KIAA0825: variants seen among roughly 807,000 people sequenced by gnomAD.
KIAA0825 encodes KIAA0825.
Under a neutral mutation model 147.6 loss-of-function variants are expected in KIAA0825, and 119 were observed. The ratio of observed to expected loss-of-function variants is 0.81; its 90% CI spans 0.69 to 0.94. KIAA0825 has a LOEUF of 0.94. Ranked by LOEUF, KIAA0825 falls within the 40% of genes least tolerant of loss-of-function variation. The pLI is 0.00. For missense variants in KIAA0825, 1,381 were observed against 1,472.7 expected, an observed-to-expected ratio of 0.94 and a Z score of 1.02; for synonymous variants, 470 against 518.1, an observed-to-expected ratio of 0.91 and a Z score of 1.26.
chr5:94,544,110 T>C (rs925193065), intron 2 of KIAA0825, among the ~76,000 whole-genome samples: 3 of 152,200 alleles, frequency 2.0e-5, no homozygotes, highest in African/African-American at 7.2e-5. Flanking sequence ...AACCCTCTCT[T>C]GGAGTCTGGA....
chr5:94,406,943 T>C (rs1178221405), intron 15 of KIAA0825, among the ~76,000 whole-genome samples: 1 of 152,206 alleles, frequency 6.6e-6, no homozygotes, highest in Non-Finnish European at 1.5e-5. Flanking sequence ...ATTAACTCAG[T>C]GACTGAAAAT....
chr5:94,217,212 T>G (rs940639509), intron 20 of KIAA0825, among the ~76,000 whole-genome samples: 1 of 152,184 alleles, frequency 6.6e-6, no homozygotes, highest in Non-Finnish European at 1.5e-5. Flanking sequence ...ATTTTCTATC[T>G]GGTGTGTGTA....
intron 20 of KIAA0825, among the ~76,000 whole-genome samples, chr5:94,230,293 C>T (rs1774574301): frequency 6.6e-6 from 1 of 152,286 alleles, no homozygotes; most frequent in Admixed American, 6.5e-5. Context: ...TCACCCTCAA[C>T]CTAGAGTGTT....
rs1316622263 is a variant in KIAA0825, at chr5:94,618,550, G to A, written c.-203C>T. 6.5e-6 allele frequency: 1 copy of A among 153,438 alleles called. No individual in the cohort carries two copies. Among genetic ancestry groups the A allele is most frequent in the Middle Eastern group, 1.2e-3 (1 of 834 alleles). The allele number at this position is 153,438 out of a possible 1,614,324, so 9.5% of individuals were successfully genotyped here. On this transcript the variant is annotated 5_prime_UTR_variant, in exon 1 of 21. Coordinates refer to ENST00000682413, the MANE Select transcript of KIAA0825 (RefSeq NM_001145678.3). ...TAGCAAGAGCCTGACCCGCTGGCCA[G>A]ACTCAAGCTCTGCACCAGGTATTAC...
intron 1 of KIAA0825, among the ~76,000 whole-genome samples, chr5:94,595,249 G>C (rs1360194991): frequency 6.6e-6 from 1 of 152,218 alleles, no homozygotes. Flanking sequence ...GCACACCTCT[G>C]TCTGGACACC....
At chr5:94,442,823 A>G (rs1487523551) in intron 13 of KIAA0825, among the ~76,000 whole-genome samples, 1 of 152,182 alleles carries the variant, frequency 6.6e-6, no homozygotes, top group Non-Finnish European at 1.5e-5. Flanking sequence ...AAGGAAAGGG[A>G]ATCTTTGAGA....
At chr5:94,584,979 C>A (rs1782995681) in intron 1 of KIAA0825, among the ~76,000 whole-genome samples, 1 of 152,124 alleles carries the variant, frequency 6.6e-6, no homozygotes, top group African/African-American at 2.4e-5. Flanking sequence ...CCTTTACAGA[C>A]AAACAAATGC....
chr5:94,327,719 T>C (rs1226101060), intron 20 of KIAA0825, among the ~76,000 whole-genome samples: 1 of 152,142 alleles, frequency 6.6e-6, no homozygotes, highest in African/African-American at 2.4e-5. Flanking sequence ...AAAGAACTCA[T>C]GTTTTTGGCT....
intron 14 of KIAA0825, among the ~76,000 whole-genome samples, chr5:94,432,263 C>T (rs1261251965): frequency 6.6e-6 from 1 of 152,136 alleles, no homozygotes; most frequent in Non-Finnish European, 1.5e-5. Context: ...GTTAGAGAAA[C>T]ACATAATCCA....
At chr5:94,460,887 T>A (rs1759734058) in intron 12 of KIAA0825, among the ~76,000 whole-genome samples, 1 of 152,120 alleles carries the variant, frequency 6.6e-6, no homozygotes, top group African/African-American at 2.4e-5. Context: ...TGAGAAATAT[T>A]TTAAAAGAAT....
At chr5:94,617,643 G>A (rs562761402) in intron 1 of KIAA0825, among the ~76,000 whole-genome samples, 1 of 152,264 alleles carries the variant, frequency 6.6e-6, no homozygotes, top group South Asian at 2.1e-4. Context: ...CTAAATATAA[G>A]GTGGCAAGTG....
intron 20 of KIAA0825, among the ~76,000 whole-genome samples, chr5:94,321,067 A>G (rs1487626565): frequency 1.3e-5 from 2 of 152,032 alleles, no homozygotes; most frequent in East Asian, 1.9e-4. Context: ...TTTGTTAAAT[A>G]TTTTACTATT....
At chr5:94,430,810 T>C (rs1755560922) in intron 14 of KIAA0825, among the ~76,000 whole-genome samples, 1 of 152,212 alleles carries the variant, frequency 6.6e-6, no homozygotes, top group South Asian at 2.1e-4. Flanking sequence ...CAGATTAGAT[T>C]TGATTCAATG....
At chr5:94,200,860 CT>C (rs1453077815) in intron 20 of KIAA0825, among the ~76,000 whole-genome samples, 3 of 149,520 alleles carry the variant, frequency 2.0e-5, no homozygotes, top group East Asian at 3.9e-4. Context: ...TTCTTGATTT[CT>C]TTTTTCCTGC....
intron 5 of KIAA0825, among the ~76,000 whole-genome samples, chr5:94,487,065 A>T (rs1261687314): frequency 6.6e-6 from 1 of 152,192 alleles, no homozygotes; most frequent in African/African-American, 2.4e-5. Flanking sequence ...TCAAAATTAT[A>T]TAAGAGTGCT....
At chr5:94,557,742 C>T (rs1245363695) in intron 2 of KIAA0825, among the ~76,000 whole-genome samples, 5 of 152,184 alleles carry the variant, frequency 3.3e-5, no homozygotes, top group Non-Finnish European at 7.3e-5. Context: ...GACAATGATC[C>T]AGATATAATC....
At chr5:94,311,155 A>G (rs1471400212) in intron 20 of KIAA0825, among the ~76,000 whole-genome samples, 1 of 151,526 alleles carries the variant, frequency 6.6e-6, no homozygotes, top group African/African-American at 2.4e-5. Flanking sequence ...AGTATTAAAG[A>G]TAAGGAGAAA....
chr5:94,391,990 A>T (rs921248544), intron 17 of KIAA0825, among the ~76,000 whole-genome samples: 3 of 152,238 alleles, frequency 2.0e-5, no homozygotes, highest in African/African-American at 7.2e-5. Flanking sequence ...TGAAATTGCT[A>T]TAATCATGAG....
intron 20 of KIAA0825, among the ~76,000 whole-genome samples, chr5:94,227,410 G>A (rs1166587463): frequency 6.6e-6 from 1 of 151,838 alleles, no homozygotes; most frequent in East Asian, 1.9e-4. Flanking sequence ...GGTGGGGGAA[G>A]TGGGGAGGGA....
Sources: gnomAD v4.1 joint callset for allele counts (sites outside exome capture counted in the v4.1 genomes callset) on GRCh38, gnomAD v4.1.1 for gene constraint, MANE v1.5 for transcripts, NCBI Gene and HGNC (gene_info 2026-07-23, HGNC 2026-07-21) for gene names.